RUNX1T1: variants seen among roughly 807,000 people sequenced by gnomAD.
RUNX1T1 encodes protein CBFA2T1.
In RUNX1T1, 4 loss-of-function variants were observed where a neutral mutation model predicts 62.8. The ratio of observed to expected loss-of-function variants is 0.06; its 90% CI spans 0.03 to 0.15. The LOEUF (loss-of-function observed/expected upper bound fraction) is 0.15, where lower values mean the gene tolerates loss of function less well. Among genes scored for constraint, RUNX1T1 ranks in the 10% least tolerant of loss-of-function variants. The pLI is 1.00. For synonymous variants in RUNX1T1, 291 were observed against 286.0 expected (o/e 1.02, Z -0.18); for missense variants, 508 against 754.3 (o/e 0.67, Z 3.82).
At chr8:92,090,275 A>G (rs1836788267) in intron 1 of RUNX1T1, among the ~76,000 whole-genome samples, 1 of 151,834 alleles carries the variant, frequency 6.6e-6, no homozygotes. Flanking sequence ...AAGGTGGTGT[A>G]CAAGTCCTCT....
upstream of RUNX1T1, among the ~76,000 whole-genome samples, chr8:92,100,308 C>T (rs1837975568): frequency 6.6e-6 from 1 of 152,120 alleles, no homozygotes; most frequent in South Asian, 2.1e-4. Context: ...TTCTCCACTG[C>T]TTTTATTAGG....
chr8:91,961,932 T>C (rs889394354), intron 10 of RUNX1T1, among the ~76,000 whole-genome samples: 1 of 152,206 alleles, frequency 6.6e-6, no homozygotes, highest in Admixed American at 6.5e-5. Flanking sequence ...TATTCACAGG[T>C]CTCCCTACTG....
chr8:92,035,214 G>C (rs1441391112), intron 1 of RUNX1T1, among the ~76,000 whole-genome samples: 1 of 151,498 alleles, frequency 6.6e-6, no homozygotes, highest in Non-Finnish European at 1.5e-5. Flanking sequence ...AGAATCGCTT[G>C]AACCCGGGAA....
At chr8:91,962,752 C>T (rs1413442021) in intron 10 of RUNX1T1, among the ~76,000 whole-genome samples, 4 of 152,234 alleles carry the variant, frequency 2.6e-5, no homozygotes, top group Admixed American at 6.5e-5. Context: ...TCCTAAATTA[C>T]ATCAGAATAT....
At chr8:92,023,741 CT>C (rs1824575012) in intron 1 of RUNX1T1, among the ~76,000 whole-genome samples, 1 of 152,190 alleles carries the variant, frequency 6.6e-6, no homozygotes, top group Non-Finnish European at 1.5e-5. Flanking sequence ...ATAAGACTGT[CT>C]GTCTAAACAT....
chr8:92,041,003 C>T (rs1438768329), intron 1 of RUNX1T1, among the ~76,000 whole-genome samples: 1 of 152,034 alleles, frequency 6.6e-6, no homozygotes, highest in Non-Finnish European at 1.5e-5. Flanking sequence ...GCCACTGCAC[C>T]CAGGCTATTT....
At chr8:92,037,366 T>A (rs1243700896) in intron 1 of RUNX1T1, among the ~76,000 whole-genome samples, 1 of 152,192 alleles carries the variant, frequency 6.6e-6, no homozygotes, top group Non-Finnish European at 1.5e-5. Context: ...CAGTCAATAT[T>A]TTTTTAAAAA....
At chr8:92,038,121 G>T (rs1404873557) in intron 1 of RUNX1T1, among the ~76,000 whole-genome samples, 2 of 151,962 alleles carry the variant, frequency 1.3e-5, no homozygotes, top group African/African-American at 2.4e-5. Flanking sequence ...AGAGAGCCAT[G>T]GCACAATTTC....
chr8:91,990,302 C>G (rs1817402490), intron 6 of RUNX1T1, among the ~76,000 whole-genome samples: 1 of 152,174 alleles, frequency 6.6e-6, no homozygotes, highest in South Asian at 2.1e-4. Context: ...GCATTTCATC[C>G]CTTGCTCTTT....
intron 1 of RUNX1T1, chr8:92,095,280 C>T (rs918489375): frequency 3.3e-6 from 5 of 1,517,244 alleles, no homozygotes; most frequent in East Asian, 2.5e-5. Flanking sequence ...CCTCCCCACG[C>T]CCCCCTTCCT....
At chr8:92,095,305 C>T in intron 1 of RUNX1T1, 1 of 1,524,608 alleles carries the variant, frequency 6.6e-7, no homozygotes, top group Non-Finnish European at 8.8e-7. Context: ...GCCACCCCTC[C>T]TTCCTCCCTG....
intron 1 of RUNX1T1, among the ~76,000 whole-genome samples, chr8:92,077,828 G>C (rs1834656742): frequency 6.6e-6 from 1 of 152,166 alleles, no homozygotes; most frequent in Admixed American, 6.5e-5. Flanking sequence ...CTAAATATCA[G>C]ACCAATGTCT....
At chr8:92,060,553 A>ATATATATATATATATATATATGTGTGTG in intron 1 of RUNX1T1, among the ~76,000 whole-genome samples, 4 of 63,944 alleles carry the variant, frequency 6.3e-5, no homozygotes, top group African/African-American at 1.2e-4. Context: ...ATATATATAT[A>ATATATATATATATATATATATGTGTGTG]TGTGTGTGTG....
chr8:92,089,925 TAAAAAAA>T (rs36052605), intron 1 of RUNX1T1, among the ~76,000 whole-genome samples: 13 of 80,164 alleles, frequency 1.6e-4, no homozygotes, highest in South Asian at 5.7e-4. Context: ...TCCCTGAATT[TAAAAAAA>T]AAAAAAAAAA....
At position 92,087,329 on chromosome 8, in the gene RUNX1T1, C is replaced by G. The variant is rs1298855404; in HGVS notation, c.-85-11192G>C. ...ATTTCCCACTCAACACCCAAGGGCC[C>G]TTTTTGCTGCAGCCACAGTATTAAT... On this transcript the variant is annotated intron_variant, in intron 1 of 11. Transcript: ENST00000265814. Among the ~76,000 whole-genome samples, 5 of 152,168 alleles carry G rather than the reference C, an allele frequency of 3.3e-5. No individual in the cohort carries two copies. In the East Asian group the frequency reaches 9.7e-4, roughly 29 times the overall value.
intron 1 of RUNX1T1, among the ~76,000 whole-genome samples, chr8:92,031,612 G>A (rs1445206756): frequency 2.0e-5 from 3 of 152,052 alleles, no homozygotes; most frequent in Non-Finnish European, 4.4e-5. Flanking sequence ...GGGACTACAG[G>A]TGCATATCAC....
At chr8:92,084,923 A>C (rs1322710905) in intron 1 of RUNX1T1, among the ~76,000 whole-genome samples, 9 of 152,212 alleles carry the variant, frequency 5.9e-5, no homozygotes, top group East Asian at 3.8e-4. Context: ...CTGAATGAAG[A>C]AGCAGCCAAA....
intron 10 of RUNX1T1, among the ~76,000 whole-genome samples, 168 bp from the exon 12 acceptor site, chr8:91,960,685 C>T (rs549139162): frequency 6.6e-6 from 1 of 152,278 alleles, no homozygotes; most frequent in East Asian, 1.9e-4. Flanking sequence ...ACAGAAGATG[C>T]AGGTTTTGAT....
At chr8:92,065,630 T>G (rs769959457), upstream of RUNX1T1, among the ~76,000 whole-genome samples, 13 of 152,230 alleles carry the variant, frequency 8.5e-5, no homozygotes, top group Non-Finnish European at 1.9e-4. Context: ...TATTGTATGA[T>G]TCCAAGGTAT....
Sources: allele counts gnomAD v4.1 joint callset (sites outside exome capture counted in the v4.1 genomes callset), GRCh38; gene constraint gnomAD v4.1.1; transcripts MANE v1.5; gene names NCBI Gene and HGNC (gene_info 2026-07-23, HGNC 2026-07-21).